Variants in KCNMA1 observed in about 807,000 individuals in gnomAD.
The protein encoded by KCNMA1 is Calcium-activated potassium channel subunit alpha-1.
KCNMA1 carries 29 observed loss-of-function variants against 140.0 expected under a neutral mutation model. The ratio of observed to expected loss-of-function variants is 0.21; its 90% CI spans 0.15 to 0.28. The LOEUF (loss-of-function observed/expected upper bound fraction) is 0.28, where lower values mean the gene tolerates loss of function less well. KCNMA1 is among the 10% of genes least tolerant of loss of function. The pLI is 1.00. For missense variants in KCNMA1, 880 were observed against 1,602.2 expected (o/e 0.55, Z 7.70); for synonymous variants, 612 against 611.9 (o/e 1.00, Z 0.00).
At chr10:77,005,491 T>C (rs1274999502) in intron 18 of KCNMA1, among the ~76,000 whole-genome samples, 1 of 152,212 alleles carries the variant, frequency 6.6e-6, no homozygotes. Context: ...ATCTTAGGGC[T>C]CTTGAAACTT....
intron 3 of KCNMA1, among the ~76,000 whole-genome samples, chr10:77,211,715 G>A (rs151093905): frequency 2.0e-5 from 3 of 152,124 alleles, no homozygotes; most frequent in African/African-American, 4.8e-5. Context: ...TCTGACAAAG[G>A]TCTAATAACT....
chr10:76,893,281 C>T lies in KCNMA1; in HGVS notation c.3148-1562G>A, dbSNP rs1050220996. Among the ~76,000 whole-genome samples, 4 of 152,136 alleles carry T rather than the reference C, an allele frequency of 2.6e-5. No homozygotes were observed. In the East Asian group the frequency reaches 5.8e-4, roughly 22 times the overall value. Reference sequence around the variant, plus strand: ...CAGGAAGCACTGATAAACATTTTGGCCTCATATCAGAGACATGAGGCCTTT... The same window carrying T: ...CAGGAAGCACTGATAAACATTTTGGTCTCATATCAGAGACATGAGGCCTTT... On this transcript the variant is annotated intron_variant, in intron 25 of 27. Coordinates refer to ENST00000286628, the MANE Select transcript of KCNMA1 (RefSeq NM_001161352.2).
At chr10:76,902,898 A>G (rs528025627) in intron 25 of KCNMA1, 13 of 152,252 alleles carry the variant, frequency 8.5e-5, no homozygotes, top group African/African-American at 2.9e-4. Context: ...GGGAGTTTAT[A>G]AAAAGAACCA....
chr10:77,637,304 G>A lies in KCNMA1; in HGVS notation c.339C>T (p.Tyr113=). The change falls in exon 1 of 28, where the codon TAC becomes TAT. Residue 113 remains tyrosine, a synonymous_variant. Transcript: ENST00000286628. ...CGCAGTGGCAGCACACGGTCCACAGGTACTTGAGCGTCCGCCAGAGCAAGA... is the reference window on the plus strand; with the variant it reads ...CGCAGTGGCAGCACACGGTCCACAGATACTTGAGCGTCCGCCAGAGCAAGA... The part of the protein sequence containing the change: ...FIILLWRTLK[Y]LWTVCCHCGG... 6.2e-7 allele frequency: 1 copy of A among 1,613,216 alleles called. No individual in the cohort carries two copies. Among genetic ancestry groups the A allele is most frequent in the East Asian group, 2.2e-5 (1 of 44,822 alleles).
chr10:76,903,016 T>G (rs2046215442), intron 25 of KCNMA1: 1 of 152,114 alleles, frequency 6.6e-6, no homozygotes, highest in Non-Finnish European at 1.5e-5. Flanking sequence ...CCGCTTGGCC[T>G]CTAAAGTTTG....
chr10:77,453,103 T>G (rs2097693757), intron 1 of KCNMA1, among the ~76,000 whole-genome samples: 4 of 152,124 alleles, frequency 2.6e-5, no homozygotes, highest in Admixed American at 2.6e-4. Context: ...AAAGGAAACG[T>G]TTCAGGTTAA....
chr10:77,419,363 T>C (rs1313971820), intron 1 of KCNMA1, among the ~76,000 whole-genome samples: 2 of 152,168 alleles, frequency 1.3e-5, no homozygotes, highest in Non-Finnish European at 2.9e-5. Flanking sequence ...CTGACAGGGA[T>C]GGAGACCTTT....
intron 1 of KCNMA1, among the ~76,000 whole-genome samples, chr10:77,496,596 CAAAAAA>C (rs201304328): frequency 9.5e-5 from 6 of 63,016 alleles, no homozygotes; most frequent in Non-Finnish European, 1.8e-4. Context: ...GACACTGTCT[CAAAAAA>C]AAAAAAAAAA....
chr10:77,490,461 A>G (rs987186820), intron 1 of KCNMA1, among the ~76,000 whole-genome samples: 4 of 152,184 alleles, frequency 2.6e-5, no homozygotes, highest in African/African-American at 9.7e-5. Flanking sequence ...TAAAATTATC[A>G]TCACCCTGAT....
intron 8 of KCNMA1, 54 bp downstream of exon 8, chr10:77,110,119 T>C (rs1050453633): frequency 5.6e-6 from 8 of 1,426,572 alleles, no homozygotes; most frequent in South Asian, 4.6e-5. Context: ...AAATGTATCA[T>C]GGAAAATATT....
In KCNMA1 at chr10:77,637,735, A is replaced by G. The variant is rs1447085472; in HGVS notation, c.-93T>C. 1.3e-5 allele frequency: 16 copies of G among 1,247,114 alleles called. No individual in the cohort carries two copies. In the African/African-American group the frequency reaches 2.4e-4, roughly 19 times the overall value. The allele number at this position is 1,247,114 out of a possible 1,614,324, so 77.3% of individuals were successfully genotyped here. A position where few individuals can be genotyped will look rare whatever the true frequency, so the allele number is the denominator to read the frequency against. Reference sequence around the variant, plus strand: ...ACCCATCAACAGCCATATTGCTGCTACTGCTGCCGCCGCCGCCGCCGCCGC... The same window carrying G: ...ACCCATCAACAGCCATATTGCTGCTGCTGCTGCCGCCGCCGCCGCCGCCGC... On this transcript the variant is annotated 5_prime_UTR_variant, in exon 1 of 28. Coordinates refer to ENST00000286628, the MANE Select transcript of KCNMA1 (RefSeq NM_001161352.2).
chr10:77,444,245 G>A (rs1199542802), intron 1 of KCNMA1, among the ~76,000 whole-genome samples: 1 of 152,166 alleles, frequency 6.6e-6, no homozygotes, highest in East Asian at 1.9e-4. Context: ...ACTTAATAGG[G>A]CTGGGGCTTG....
At chr10:77,483,222 C>G (rs2098422177) in intron 1 of KCNMA1, among the ~76,000 whole-genome samples, 1 of 152,212 alleles carries the variant, frequency 6.6e-6, no homozygotes, top group Non-Finnish European at 1.5e-5. Context: ...GGCAGCGCCA[C>G]TAACAGCATA....
intron 1 of KCNMA1, among the ~76,000 whole-genome samples, chr10:77,607,365 T>C (rs764973265): frequency 3.3e-5 from 5 of 152,138 alleles, no homozygotes; most frequent in Non-Finnish European, 2.9e-5. Context: ...CATTCATCTA[T>C]ATGCTGAGGT....
At chr10:77,358,208 T>C (rs956799399) in intron 2 of KCNMA1, among the ~76,000 whole-genome samples, 3 of 152,086 alleles carry the variant, frequency 2.0e-5, no homozygotes, top group Non-Finnish European at 4.4e-5. Flanking sequence ...GTCCTCTCTC[T>C]CCGGCTGTTC....
At chr10:76,967,458 C>T (rs2074391021) in intron 20 of KCNMA1, among the ~76,000 whole-genome samples, 1 of 152,162 alleles carries the variant, frequency 6.6e-6, no homozygotes, top group Non-Finnish European at 1.5e-5. Context: ...AAAATGGACC[C>T]ATGACTTCAT....
chr10:77,591,941 C>G (rs1401032744), intron 1 of KCNMA1, among the ~76,000 whole-genome samples: 1 of 152,192 alleles, frequency 6.6e-6, no homozygotes, highest in African/African-American at 2.4e-5. Flanking sequence ...CAGGACCCAG[C>G]TTCTCCACGT....
intron 9 of KCNMA1, chr10:77,090,903 A>G (rs2096797939): frequency 3.4e-6 from 1 of 297,456 alleles, no homozygotes. Flanking sequence ...GATTTACTGT[A>G]TGAGTCTTGG....
intron 1 of KCNMA1, among the ~76,000 whole-genome samples, chr10:77,533,792 C>T (rs1466813956): frequency 1.3e-5 from 2 of 152,196 alleles, no homozygotes; most frequent in African/African-American, 2.4e-5. Flanking sequence ...GCAGAAATAT[C>T]AGAAGGATGA....
Sources: allele counts gnomAD v4.1 joint callset (sites outside exome capture counted in the v4.1 genomes callset), GRCh38; gene constraint gnomAD v4.1.1; transcripts MANE v1.5; gene names NCBI Gene and HGNC (gene_info 2026-07-23, HGNC 2026-07-21).